CNTN4: variants seen among roughly 807,000 people sequenced by gnomAD.
The protein encoded by CNTN4 is contactin-4.
In CNTN4, 77 loss-of-function variants were observed where a neutral mutation model predicts 122.5. The observed-to-expected ratio is 0.63, with a 90% CI of 0.52 to 0.76. CNTN4 has a LOEUF of 0.76. Among genes scored for constraint, CNTN4 ranks in the 30% least tolerant of loss-of-function variants. The pLI is 0.00. For missense variants in CNTN4, 1,256 were observed against 1,259.1 expected, an observed-to-expected ratio of 1.00 and a Z score of 0.04; for synonymous variants, 512 against 447.0, an observed-to-expected ratio of 1.15 and a Z score of -1.83.
chr3:2,125,706 T>C (rs781742594), intron 2 of CNTN4, among the ~76,000 whole-genome samples: 3 of 151,686 alleles, frequency 2.0e-5, no homozygotes, highest in African/African-American at 2.4e-5. Context: ...TACAGGCGCC[T>C]GCCACCATGC....
At chr3:2,122,976 C>T (rs1184200716) in intron 2 of CNTN4, among the ~76,000 whole-genome samples, 2 of 152,134 alleles carry the variant, frequency 1.3e-5, no homozygotes, top group Non-Finnish European at 2.9e-5. Context: ...ACATTGGGTA[C>T]TGTCGGTGAG....
chr3:2,671,693 C>A (rs1442999409), intron 4 of CNTN4, among the ~76,000 whole-genome samples: 1 of 152,162 alleles, frequency 6.6e-6, no homozygotes, highest in Non-Finnish European at 1.5e-5. Flanking sequence ...AGTTTTTCTG[C>A]TCTGTTTTTT....
Position 2,648,370 on chromosome 3 carries a change from G to A in CNTN4, c.55+76812G>A, listed in dbSNP as rs545994202. ...TTTGTGCCAACACTGCATCGAGCAA[G>A]TCTACTGCCACCATTTTCCCAACAG... is the stretch of plus-strand genomic sequence containing the variant. On this transcript the variant is annotated intron_variant, in intron 4 of 24. Coordinates refer to ENST00000418658, the MANE Select transcript of CNTN4 (RefSeq NM_175607.3). Among the ~76,000 whole-genome samples, 16 of 152,282 alleles carry A rather than the reference G, an allele frequency of 1.1e-4. No individual in the cohort carries two copies. The East Asian group carries it at 2.1e-3, about 20-fold the overall frequency.
intron 13 of CNTN4, among the ~76,000 whole-genome samples, chr3:2,926,053 T>C (rs1315277987): frequency 6.6e-6 from 1 of 152,184 alleles, no homozygotes; most frequent in Non-Finnish European, 1.5e-5. Flanking sequence ...GTTAGAAACA[T>C]CCTCCTTAAT....
chr3:2,487,196 G>A (rs1356097465), intron 3 of CNTN4, among the ~76,000 whole-genome samples: 1 of 152,122 alleles, frequency 6.6e-6, no homozygotes, highest in Non-Finnish European at 1.5e-5. Context: ...AATTACTAAT[G>A]TAAAAATAAT....
At chr3:3,014,879 G>GTTTTTTTTTTTTTTTTTTT (rs5846238) in intron 14 of CNTN4, among the ~76,000 whole-genome samples, 2 of 121,544 alleles carry the variant, frequency 1.6e-5, no homozygotes, top group Admixed American at 8.8e-5. Context: ...CCCTCGATTG[G>GTTTTTTTTTTTTTTTTTTT]TTTTTTTTTT....
chr3:2,610,262 A>G (rs1427496430), intron 4 of CNTN4, among the ~76,000 whole-genome samples: 1 of 152,210 alleles, frequency 6.6e-6, no homozygotes, highest in Non-Finnish European at 1.5e-5. Context: ...TCCTCTTAAG[A>G]AAAAACTCAA....
chr3:2,808,087 T>C (rs576806042), intron 6 of CNTN4, among the ~76,000 whole-genome samples: 6 of 152,164 alleles, frequency 3.9e-5, no homozygotes, highest in African/African-American at 1.4e-4. Context: ...GAAAGGCTAA[T>C]AAAAGAAAAG....
At chr3:2,365,109 A>G (rs140461414) in intron 3 of CNTN4, among the ~76,000 whole-genome samples, 2,275 of 151,734 alleles carry the variant, frequency 0.015, 18 homozygotes, top group Non-Finnish European at 0.022. Context: ...TTTTTTTTTT[A>G]TGATGACAGA....
At chr3:2,677,483 T>TAC (rs2084932027) in intron 4 of CNTN4, among the ~76,000 whole-genome samples, 2 of 56,978 alleles carry the variant, frequency 3.5e-5, no homozygotes, top group Admixed American at 4.6e-4. Context: ...TATCCATCTA[T>TAC]ATCTATCTAT....
intron 2 of CNTN4, among the ~76,000 whole-genome samples, chr3:2,175,348 G>T (rs1409974251): frequency 6.6e-6 from 1 of 151,812 alleles, no homozygotes; most frequent in African/African-American, 2.4e-5. Flanking sequence ...AATCCTTCAT[G>T]GCCGAGTTTA....
rs115571628 is a variant in CNTN4 at position 2,198,713 on chromosome 3, C to T, written c.-145+98074C>T. On this transcript the variant is annotated intron_variant, in intron 2 of 24. Transcript: ENST00000418658. The stretch of plus-strand genomic sequence containing the variant: ...TAGAATATACTCGAGACTTAATCTG[C>T]TTCATTTTGAATTTCATTTTCAAAG... 9.5e-3 allele frequency among the ~76,000 whole-genome samples: 1,439 copies of T among 152,254 alleles called. 25 individuals carry two copies. Among genetic ancestry groups the T allele is most frequent in the African/African-American group, 0.032 (1,346 of 41,550 alleles).
intron 3 of CNTN4, among the ~76,000 whole-genome samples, chr3:2,339,595 C>G (rs1032613554): frequency 1.3e-5 from 2 of 152,088 alleles, no homozygotes; most frequent in African/African-American, 4.8e-5. Context: ...TTTTAGCAGT[C>G]AAACCAACAC....
intron 6 of CNTN4, among the ~76,000 whole-genome samples, chr3:2,787,095 G>T (rs933589633): frequency 3.3e-5 from 5 of 152,132 alleles, no homozygotes; most frequent in African/African-American, 1.2e-4. Context: ...TAAGAAAATC[G>T]GCCAGGCGCG....
At chr3:2,939,136 C>T (rs542664380) in intron 13 of CNTN4, among the ~76,000 whole-genome samples, 12 of 152,276 alleles carry the variant, frequency 7.9e-5, no homozygotes, top group African/African-American at 2.9e-4. Context: ...AGAGTTTTCT[C>T]CTCATATTTC....
chr3:2,970,470 G>C (rs1383327193), intron 13 of CNTN4, among the ~76,000 whole-genome samples: 1 of 151,872 alleles, frequency 6.6e-6, no homozygotes, highest in Non-Finnish European at 1.5e-5. Flanking sequence ...AATTGAGACA[G>C]TTTTACTCTG....
At chr3:2,836,115 G>T (rs1037627845) in intron 7 of CNTN4, among the ~76,000 whole-genome samples, 1 of 152,018 alleles carries the variant, frequency 6.6e-6, no homozygotes, top group African/African-American at 2.4e-5. Flanking sequence ...ACATCCGGAT[G>T]AAATGAATTA....
intron 17 of CNTN4, among the ~76,000 whole-genome samples, chr3:3,035,690 G>A (rs1187178175): frequency 6.6e-6 from 1 of 152,088 alleles, no homozygotes; most frequent in African/African-American, 2.4e-5. Flanking sequence ...TTGAGTAGCT[G>A]AGACCACAGG....
intron 3 of CNTN4, among the ~76,000 whole-genome samples, chr3:2,379,662 C>G (rs2045945098): frequency 6.6e-6 from 1 of 152,138 alleles, no homozygotes; most frequent in Non-Finnish European, 1.5e-5. Context: ...GAATTTGAAT[C>G]TGTTGTCATG....
Sources: allele counts gnomAD v4.1 joint callset (sites outside exome capture counted in the v4.1 genomes callset), GRCh38; gene constraint gnomAD v4.1.1; transcripts MANE v1.5; gene names NCBI Gene and HGNC (gene_info 2026-07-23, HGNC 2026-07-21).